The following PRMT8 variants were observed in gnomAD, a reference collection of about 807,000 sequenced individuals.
The protein encoded by PRMT8 is protein arginine N-methyltransferase 8.
A neutral mutation model predicts 47.1 loss-of-function variants in PRMT8; 7 were observed. That is an observed-to-expected ratio of 0.15 (90% CI 0.08 to 0.28). The LOEUF (loss-of-function observed/expected upper bound fraction) is 0.28. Among genes scored for constraint, PRMT8 ranks in the 10% least tolerant of loss-of-function variants. The probability of loss-of-function intolerance (pLI) is 1.00; values close to 1 mark genes in which losing one functional copy is unlikely to be tolerated. For missense variants in PRMT8, 237 were observed against 505.4 expected (o/e 0.47, Z 5.09); for synonymous variants, 188 against 186.5 (o/e 1.01, Z -0.07).
intron 1 of PRMT8, among the ~76,000 whole-genome samples, chr12:3,455,692 G>A (rs1044855967): frequency 3.3e-5 from 5 of 152,202 alleles, no homozygotes; most frequent in South Asian, 2.1e-4. Context: ...TCAGCGGGGG[G>A]TGGGGTTGAG....
chr12:3,577,806 C>T (rs576141216), intron 7 of PRMT8, among the ~76,000 whole-genome samples: 3 of 152,242 alleles, frequency 2.0e-5, no homozygotes, highest in Non-Finnish European at 4.4e-5. Context: ...CACCTTTGCC[C>T]GAGGCTTCCT....
At chr12:3,584,972 A>G (rs1355008401) in intron 8 of PRMT8, among the ~76,000 whole-genome samples, 1 of 152,154 alleles carries the variant, frequency 6.6e-6, no homozygotes. Context: ...TCATAGCCTC[A>G]CAGAGATACC....
At chr12:3,581,291 GGTTTAAGGGACCTGT>G (rs1453845253) in intron 7 of PRMT8, among the ~76,000 whole-genome samples, 4 of 152,154 alleles carry the variant, frequency 2.6e-5, no homozygotes, top group Admixed American at 1.3e-4. Flanking sequence ...GAGAAGAAAA[GGTTTAAGGGACCTGT>G]GTGAATTGGA....
intron 4 of PRMT8, among the ~76,000 whole-genome samples, chr12:3,555,195 A>T (rs1565440318): frequency 6.6e-6 from 1 of 152,212 alleles, no homozygotes; most frequent in Admixed American, 6.5e-5. Context: ...CAGATAATAA[A>T]TAAAGAAGCA....
At chr12:3,437,634 A>G (rs1565407549) in intron 1 of PRMT8, among the ~76,000 whole-genome samples, 2 of 150,052 alleles carry the variant, frequency 1.3e-5, no homozygotes, top group African/African-American at 4.9e-5. Flanking sequence ...ATATATATAT[A>G]TATATATATA....
intron 4 of PRMT8, among the ~76,000 whole-genome samples, chr12:3,559,402 G>A (rs545534910): frequency 1.1e-4 from 16 of 152,232 alleles, no homozygotes; most frequent in Admixed American, 3.3e-4. Flanking sequence ...ATTTTAGAAC[G>A]TTGATGCTCC....
In PRMT8 at chr12:3,568,714, A is replaced by G; in HGVS notation, c.490A>G (p.Ile164Val). The G allele has an allele frequency of 2.5e-6, 4 of 1,614,112 alleles. No homozygotes were observed. The highest frequency in any genetic ancestry group is 1.6e-4 in the Middle Eastern group (1 of 6,062). The change falls in exon 5 of 10, where the codon ATA (isoleucine) becomes GTA (valine). Residue 164 changes from isoleucine (I) to valine (V), a missense_variant. This residue lies in a region of PRMT8 where 151 missense variants were observed against 341.1 expected (regional missense o/e 0.44). Transcript: ENST00000382622. ...GGGTTCTTATTTTCCAGTCATCACC[A>G]TATTTAAGGGTAAAGTGGAAGAGGT... is the stretch of plus-strand genomic sequence containing the variant. ...KANHLDNIIT[I>V]FKGKVEEVEL... is the part of the protein sequence containing the mutation.
At chr12:3,585,912 T>C (rs1189520006) in intron 8 of PRMT8, among the ~76,000 whole-genome samples, 1 of 152,030 alleles carries the variant, frequency 6.6e-6, no homozygotes, top group East Asian at 1.9e-4. Flanking sequence ...GGAGCCTTCT[T>C]GGGGACAGTG....
chr12:3,579,137 C>A (rs568542720), intron 7 of PRMT8, among the ~76,000 whole-genome samples: 85 of 152,330 alleles, frequency 5.6e-4, no homozygotes, highest in Admixed American at 1.6e-3. Context: ...CAAGGCACTT[C>A]TGTAAATGTA....
chr12:3,422,582 G>A (rs1282081140), intron 1 of PRMT8, among the ~76,000 whole-genome samples: 1 of 152,194 alleles, frequency 6.6e-6, no homozygotes, highest in Non-Finnish European at 1.5e-5. Flanking sequence ...ATATATGACT[G>A]GGGGCTGCAT....
In PRMT8 at chr12:3,450,397, G is replaced by T. The variant is rs187051984; in HGVS notation, c.48+68955G>T. On this transcript the variant is annotated intron_variant, in intron 1 of 9. Coordinates refer to the PRMT8 transcript ENST00000452611. ...TGTTGACAAGTCTCATTATACAAGA[G>T]AAATTACATTTGTTAACCTTAGAAA... Among the ~76,000 whole-genome samples the T allele has an allele frequency of 4.6e-5, 7 of 152,286 alleles. No homozygotes were observed. In the East Asian group the frequency reaches 1.2e-3, roughly 25 times the overall value.
intron 1 of PRMT8, among the ~76,000 whole-genome samples, chr12:3,494,133 G>A (rs1221411042): frequency 6.6e-6 from 1 of 152,172 alleles, no homozygotes; most frequent in Middle Eastern, 3.2e-3. Context: ...TGGGTGGTGG[G>A]GAGCGTGGTA....
At chr12:3,459,066 G>A (rs1178596841) in intron 1 of PRMT8, among the ~76,000 whole-genome samples, 1 of 152,128 alleles carries the variant, frequency 6.6e-6, no homozygotes, top group Non-Finnish European at 1.5e-5. Flanking sequence ...CTGATGGTGG[G>A]GCAATGGTTC....
intron 2 of PRMT8, among the ~76,000 whole-genome samples, chr12:3,545,465 C>A (rs1476914410): frequency 6.6e-6 from 1 of 152,190 alleles, no homozygotes; most frequent in African/African-American, 2.4e-5. Flanking sequence ...CCAACCAAAC[C>A]CCCACCTTAT....
chr12:3,479,814 TTTTA>T (rs1353336012), intron 1 of PRMT8, among the ~76,000 whole-genome samples: 1 of 151,750 alleles, frequency 6.6e-6, no homozygotes, highest in Non-Finnish European at 1.5e-5. Context: ...TGTAGAGAGT[TTTTA>T]TTTGTTACAT....
chr12:3,583,080 A>G lies in PRMT8; in HGVS notation c.851A>G (p.Lys284Arg). The change falls in exon 8 of 10, where the codon AAG becomes AGG. Residue 284 changes from lysine (K) to arginine (R), a missense_variant. By Grantham distance (26) the Lys-to-Arg change is conservative. Coordinates refer to ENST00000382622, the MANE Select transcript of PRMT8 (RefSeq NM_019854.5). The surrounding 1 kb of genome is among the most constrained non-coding windows in gnomAD (Gnocchi z 4.7). ...CAGGAGGTGGACATTTACACAGTGAAGACGGAAGAGCTATCGTTCACATCT... is the reference window on the plus strand; with the variant it reads ...CAGGAGGTGGACATTTACACAGTGAGGACGGAAGAGCTATCGTTCACATCT... ...LIKEVDIYTV[K>R]TEELSFTSAF... The G allele has an allele frequency of 1.2e-6, 2 of 1,614,020 alleles. No individual in the cohort carries two copies. Among genetic ancestry groups the G allele is most frequent in the Non-Finnish European group, 1.7e-6 (2 of 1,179,982 alleles).
intron 1 of PRMT8, among the ~76,000 whole-genome samples, chr12:3,420,581 A>T (rs1864530907): frequency 6.6e-6 from 1 of 152,162 alleles, no homozygotes. Flanking sequence ...GGGTAATACA[A>T]AGGTGCAGGC....
intron 2 of PRMT8, among the ~76,000 whole-genome samples, chr12:3,541,228 G>A (rs529084330): frequency 1.3e-5 from 2 of 152,304 alleles, no homozygotes; most frequent in African/African-American, 4.8e-5. Flanking sequence ...GCACCTCCGG[G>A]GGAAGAGCTG....
rs59173944 is a variant in PRMT8, at chr12:3,453,055, G to C, written c.48+71613G>C. On this transcript the variant is annotated intron_variant, in intron 1 of 9. Coordinates refer to the PRMT8 transcript ENST00000452611. The surrounding 1 kb of genome is among the most constrained non-coding windows in gnomAD (Gnocchi z 4.9). ...GGAGGGAAGCTAAACCCTGGACTGG[G>C]ATCACATGAAAGGAGATGAAATGAG... Among the ~76,000 whole-genome samples, 4 of 152,304 alleles carry C rather than the reference G, an allele frequency of 2.6e-5. No individual in the cohort carries two copies. The East Asian group carries it at 7.7e-4, about 29-fold the overall frequency.
Sources: allele counts gnomAD v4.1 joint callset (sites outside exome capture counted in the v4.1 genomes callset), GRCh38; gene constraint gnomAD v4.1.1; regional missense constraint gnomAD v4.1.1; non-coding constraint Gnocchi (gnomAD v3.1); transcripts MANE v1.5; gene names NCBI Gene and HGNC (gene_info 2026-07-23, HGNC 2026-07-21).